PHACTR1: variants seen among roughly 807,000 people sequenced by gnomAD.
The protein encoded by PHACTR1 is RPEL repeat containing 1.
In PHACTR1, 16 loss-of-function variants were observed where a neutral mutation model predicts 69.2. That is an observed-to-expected ratio of 0.23 (90% CI 0.16 to 0.35). The LOEUF is 0.35. PHACTR1 is among the 10% of genes least tolerant of loss of function. The pLI, the probability that PHACTR1 is intolerant of heterozygous loss-of-function variation, is 1.00. For synonymous variants in PHACTR1, 312 were observed against 284.5 expected (o/e 1.10, Z -0.97); for missense variants, 510 against 734.7 (o/e 0.69, Z 3.54).
intron 10 of PHACTR1, among the ~76,000 whole-genome samples, chr6:13,252,065 A>AAAAG (rs1554173593): frequency 8.0e-5 from 12 of 149,546 alleles, no homozygotes; most frequent in African/African-American, 2.2e-4. Flanking sequence ...AAAAAAAAAA[A>AAAAG]AAAGAAAGAA....
At chr6:12,996,048 A>G (rs1323209976) in intron 4 of PHACTR1, among the ~76,000 whole-genome samples, 1 of 152,176 alleles carries the variant, frequency 6.6e-6, no homozygotes, top group Non-Finnish European at 1.5e-5. Flanking sequence ...AAAACTACTT[A>G]CAAAATACAT....
chr6:13,265,499 G>T (rs546241186), intron 10 of PHACTR1, among the ~76,000 whole-genome samples: 9 of 152,194 alleles, frequency 5.9e-5, no homozygotes, highest in Non-Finnish European at 1.3e-4. Flanking sequence ...ATTTTCGGAA[G>T]TAGTTCATTG....
intron 4 of PHACTR1, among the ~76,000 whole-genome samples, chr6:12,834,475 G>A (rs1278628402): frequency 6.6e-6 from 1 of 152,106 alleles, no homozygotes; most frequent in Non-Finnish European, 1.5e-5. Flanking sequence ...TATCCAAGAA[G>A]TTAAAATAGA....
At chr6:12,830,105 GAAAGAAAGAAAGAAAGAA>G (rs961521649) in intron 4 of PHACTR1, among the ~76,000 whole-genome samples, 3 of 26,946 alleles carry the variant, frequency 1.1e-4, no homozygotes, top group African/African-American at 1.2e-4. Context: ...AAGAAAGAAA[GAAAGAAAGAAAGAAAGAA>G]AGAAAGAAAG....
intron 4 of PHACTR1, among the ~76,000 whole-genome samples, chr6:12,985,186 A>T (rs1795990320): frequency 2.0e-5 from 3 of 152,208 alleles, no homozygotes; most frequent in African/African-American, 7.2e-5. Context: ...AGTACTGTTT[A>T]TAATTTCTCT....
chr6:13,280,469 C>T (rs1022767056), intron 12 of PHACTR1: 2 of 161,288 alleles, frequency 1.2e-5, no homozygotes, highest in African/African-American at 2.4e-5. Context: ...TACATCATCA[C>T]TTCCTGGCCC....
At chr6:13,131,661 C>CA (rs1820489733) in intron 5 of PHACTR1, among the ~76,000 whole-genome samples, 1 of 152,162 alleles carries the variant, frequency 6.6e-6, no homozygotes, top group African/African-American at 2.4e-5. Context: ...TCCTTCAGTT[C>CA]AAAATCCTGT....
At position 12,876,677 on chromosome 6, in the gene PHACTR1, C is replaced by T. The variant is rs182022400; in HGVS notation, c.250+126887C>T. On this transcript the variant is annotated intron_variant, in intron 4 of 14. Transcript: ENST00000332995. ...CACATCAACAAAAAAAAGTCCTAAACTTGCATCATCCTTAGGTAAGTATAT... is the reference window on the plus strand; with the variant it reads ...CACATCAACAAAAAAAAGTCCTAAATTTGCATCATCCTTAGGTAAGTATAT... 3.3e-5 allele frequency among the ~76,000 whole-genome samples: 5 copies of T among 152,312 alleles called. No homozygotes were observed. In the East Asian group the frequency reaches 7.7e-4, roughly 23 times the overall value.
intron 5 of PHACTR1, among the ~76,000 whole-genome samples, chr6:13,120,285 TG>T (rs1440814504): frequency 2.6e-5 from 4 of 152,074 alleles, no homozygotes; most frequent in African/African-American, 9.7e-5. Context: ...TTTTTTTTCC[TG>T]GAGAAAAACA....
chr6:12,973,871 T>TAAAAAAAC (rs1246385278), intron 4 of PHACTR1, among the ~76,000 whole-genome samples: 3 of 147,754 alleles, frequency 2.0e-5, no homozygotes, highest in African/African-American at 7.5e-5. Flanking sequence ...TTTAAACAAA[T>TAAAAAAAC]AAACAAACAA....
chr6:12,922,227 T>C (rs903810274), intron 4 of PHACTR1, among the ~76,000 whole-genome samples: 1 of 152,198 alleles, frequency 6.6e-6, no homozygotes, highest in Non-Finnish European at 1.5e-5. Flanking sequence ...AAGATCTTGC[T>C]TCCTCATTCA....
chr6:13,230,275 G>A (rs773291238), intron 10 of PHACTR1, 82 bp downstream of exon 10: 9 of 1,547,252 alleles, frequency 5.8e-6, no homozygotes, highest in Non-Finnish European at 7.9e-6. Flanking sequence ...GTCTCGGCCG[G>A]GCGCAGTAGC....
At chr6:12,957,255 C>CA (rs35500368) in intron 4 of PHACTR1, 63,356 of 271,188 alleles carry the variant, frequency 0.23, 3,366 homozygotes, top group Admixed American at 0.31. Flanking sequence ...AACAAATACT[C>CA]AAAAAAAAAA....
intron 4 of PHACTR1, among the ~76,000 whole-genome samples, chr6:12,901,436 G>A (rs575108615): frequency 6.6e-6 from 1 of 152,194 alleles, no homozygotes; most frequent in South Asian, 2.1e-4. Context: ...AAAGGTTGGA[G>A]GAAAGGAGGA....
rs185600341 is a variant in PHACTR1, at chr6:13,194,264, G to A, written c.665-11551G>A. ...CTAAAAATACAAAAATTAGCTGGGC[G>A]TGGTGGCGCGTGCCTGTAGTCCCAG... On this transcript the variant is annotated intron_variant, in intron 7 of 14. Coordinates refer to ENST00000332995, the MANE Select transcript of PHACTR1 (RefSeq NM_030948.6). 1.3e-3 allele frequency among the ~76,000 whole-genome samples: 204 copies of A among 152,128 alleles called. 2 individuals carry two copies. Among genetic ancestry groups the A allele is most frequent in the African/African-American group, 4.7e-3 (197 of 41,500 alleles).
intron 9 of PHACTR1, 91 bp downstream of exon 9, chr6:13,228,154 G>A: frequency 6.8e-7 from 1 of 1,467,492 alleles, no homozygotes. Flanking sequence ...AGCAGTCTGG[G>A]TTCTAATCCC....
chr6:12,720,696 T>C (rs913362545), intron 3 of PHACTR1, among the ~76,000 whole-genome samples: 6 of 152,258 alleles, frequency 3.9e-5, no homozygotes, highest in Non-Finnish European at 8.8e-5. Flanking sequence ...ACACATTGTC[T>C]AGGTCAGTGT....
chr6:13,001,696 G>A (rs1277310218), intron 4 of PHACTR1, among the ~76,000 whole-genome samples: 1 of 152,186 alleles, frequency 6.6e-6, no homozygotes, highest in Non-Finnish European at 1.5e-5. Flanking sequence ...TAAATAGTGT[G>A]CCCCCCACTT....
At chr6:13,251,506 G>A (rs1774395615) in intron 10 of PHACTR1, among the ~76,000 whole-genome samples, 1 of 152,170 alleles carries the variant, frequency 6.6e-6, no homozygotes, top group Admixed American at 6.5e-5. Flanking sequence ...TGTCTGTCTG[G>A]CCTCATATAG....
Sources: gnomAD v4.1 joint callset for allele counts (sites outside exome capture counted in the v4.1 genomes callset) on GRCh38, gnomAD v4.1.1 for gene constraint, MANE v1.5 for transcripts, NCBI Gene and HGNC (gene_info 2026-07-23, HGNC 2026-07-21) for gene names.